Variants in DYSF observed in about 807,000 individuals in gnomAD.
DYSF encodes the protein dystrophy-associated fer-1-like 1.
Under a neutral mutation model 274.9 loss-of-function variants are expected in DYSF, and 212 were observed. The observed-to-expected ratio is 0.77, with a 90% confidence interval of 0.69 to 0.86. DYSF has a LOEUF of 0.86. Ranked by LOEUF, DYSF falls within the 40% of genes least tolerant of loss-of-function variation. The pLI is 0.00. For missense variants in DYSF, 2,666 were observed against 2,783.2 expected, an observed-to-expected ratio of 0.96 and a Z score of 0.95; for synonymous variants, 1,091 against 1,078.7, an observed-to-expected ratio of 1.01 and a Z score of -0.22.
At chr2:71,680,019 T>C (rs10187598) in intron 53 of DYSF, among the ~76,000 whole-genome samples, 133,272 of 152,210 alleles carry the variant, frequency 0.88, 58,469 homozygotes, top group Middle Eastern at 0.9. Flanking sequence ...ACCCGTATTA[T>C]GTACTGTGTT....
At chr2:71,607,830 T>C (rs1236352390) in intron 36 of DYSF, among the ~76,000 whole-genome samples, 2 of 152,142 alleles carry the variant, frequency 1.3e-5, no homozygotes, top group African/African-American at 4.8e-5. Flanking sequence ...AATCCAGTTT[T>C]GGACAAGTTC....
At chr2:71,563,157 C>G (rs552779402) in intron 23 of DYSF, among the ~76,000 whole-genome samples, 1 of 152,210 alleles carries the variant, frequency 6.6e-6, no homozygotes, top group Non-Finnish European at 1.5e-5. Context: ...GGGTGCCACA[C>G]TTTGAGAACC....
chr2:71,655,081 A>T (rs935374773), intron 42 of DYSF, among the ~76,000 whole-genome samples: 2 of 151,994 alleles, frequency 1.3e-5, no homozygotes, highest in Non-Finnish European at 2.9e-5. Flanking sequence ...ACAGAGTGAG[A>T]CTTCTCCCCT....
chr2:71,519,811 G>GTTTTTTTTTTTTTTTTTTT (rs70959241), intron 10 of DYSF, among the ~76,000 whole-genome samples: 9 of 102,288 alleles, frequency 8.8e-5, no homozygotes, highest in African/African-American at 1.2e-4. Flanking sequence ...CACCCGGCTA[G>GTTTTTTTTTTTTTTTTTTT]TTTTTTTTTT....
At chr2:71,626,826 T>C (rs868478274) in intron 41 of DYSF, among the ~76,000 whole-genome samples, 1 of 152,020 alleles carries the variant, frequency 6.6e-6, no homozygotes, top group African/African-American at 2.4e-5. Flanking sequence ...TTGGGAATAT[T>C]TTAAATTGCT....
At chr2:71,670,566 T>A (rs2095102028) in intron 51 of DYSF, among the ~76,000 whole-genome samples, 1 of 152,172 alleles carries the variant, frequency 6.6e-6, no homozygotes, top group Non-Finnish European at 1.5e-5. Flanking sequence ...CACCTCTCAC[T>A]ACAGGCCAAA....
At chr2:71,479,385 C>A (rs2082692515) in intron 1 of DYSF, among the ~76,000 whole-genome samples, 2 of 151,826 alleles carry the variant, frequency 1.3e-5, no homozygotes, top group South Asian at 4.2e-4. Flanking sequence ...AGTGGGGGAA[C>A]CCCTCACCCT....
chr2:71,593,260 G>A, intron 32 of DYSF, among the ~76,000 whole-genome samples: 1 of 150,408 alleles, frequency 6.6e-6, no homozygotes, highest in East Asian at 2.0e-4. Context: ...AGCCTCCCAA[G>A]TAGCTAGGAT....
Position 71,520,827 on chromosome 2 carries a change from C to T in DYSF, c.1072C>T (p.Pro358Ser). ...CAGGAAGTGGCTGCTGCTCTCAGACCCTGATGACTTCTCTGCTGGGGCCAG... is the reference window on the plus strand; with the variant it reads ...CAGGAAGTGGCTGCTGCTCTCAGACTCTGATGACTTCTCTGCTGGGGCCAG... ...YLRKWLLLSD[P>S]DDFSAGARGY... The change falls in exon 12 of 56, where the codon CCT (proline) becomes TCT (serine). Residue 358 changes from proline to serine, a missense_variant. By Grantham distance (74) the Pro-to-Ser change is moderately conservative. Transcript: ENST00000410020. The T allele has an allele frequency of 6.2e-7, 1 of 1,614,044 alleles. No individual in the cohort carries two copies. The highest frequency in any genetic ancestry group is 8.5e-7 in the Non-Finnish European group (1 of 1,180,014).
intron 3 of DYSF, among the ~76,000 whole-genome samples, chr2:71,486,930 C>T (rs2083414069): frequency 6.6e-6 from 1 of 152,136 alleles, no homozygotes; most frequent in Non-Finnish European, 1.5e-5. Flanking sequence ...TGTTTTGACC[C>T]GTGGGATGTT....
intron 1 of DYSF, among the ~76,000 whole-genome samples, chr2:71,476,589 G>GT (rs113967018): frequency 5.3e-4 from 80 of 151,634 alleles, no homozygotes; most frequent in African/African-American, 1.9e-3. Flanking sequence ...TTCTTGTTGT[G>GT]TTTTTTAGAT....
chr2:71,511,498 G>A (rs541589828), intron 4 of DYSF, among the ~76,000 whole-genome samples: 2 of 152,312 alleles, frequency 1.3e-5, no homozygotes, highest in South Asian at 2.1e-4. Context: ...TTTGACCTGT[G>A]AGGAAGGTGC....
At chr2:71,471,746 G>T (rs1465582077) in intron 1 of DYSF, among the ~76,000 whole-genome samples, 1 of 152,130 alleles carries the variant, frequency 6.6e-6, no homozygotes, top group Non-Finnish European at 1.5e-5. Context: ...GAGGTGGGCG[G>T]ATTGCTTGAG....
chr2:71,528,680 A>C (rs112641282), intron 14 of DYSF, among the ~76,000 whole-genome samples: 2 of 152,324 alleles, frequency 1.3e-5, no homozygotes, highest in African/African-American at 2.4e-5. Flanking sequence ...GTAGAGGAAC[A>C]TTTGGGGGAA....
In DYSF at chr2:71,644,007, AT is replaced by A; in HGVS notation, c.4571del (p.Ile1524LysfsTer18). ...TTGGTGGAGCAAATTCTTTGCCTCC[AT>A]AGGGGAGAGGGAAAAGTGCGGCTCC... is the stretch of plus-strand genomic sequence containing the variant. Reference protein sequence around the residue: ...IDWWSKFFASIGEREKCGSYL... With the variant: ...IDWWSKFFASXGEREKCGSYL... On this transcript the variant is annotated frameshift_variant, in exon 42 of 56. Transcript: ENST00000410020. LOFTEE classifies it high-confidence loss of function. 6.2e-7 allele frequency: 1 copy of A among 1,612,668 alleles called. No homozygotes were observed. Among genetic ancestry groups the A allele is most frequent in the Non-Finnish European group, 8.5e-7 (1 of 1,179,496 alleles).
chr2:71,635,575 C>T (rs2094386904), intron 41 of DYSF, among the ~76,000 whole-genome samples: 1 of 151,890 alleles, frequency 6.6e-6, no homozygotes, highest in South Asian at 2.1e-4. Context: ...TGGTGAAACC[C>T]CATCTCTACT....
intron 1 of DYSF, among the ~76,000 whole-genome samples, chr2:71,460,251 G>T (rs767554841): frequency 6.6e-6 from 1 of 152,150 alleles, no homozygotes; most frequent in Non-Finnish European, 1.5e-5. Flanking sequence ...GATGGCGCAC[G>T]CCTCTGTCTA....
At chr2:71,678,756 G>A in intron 52 of DYSF, among the ~76,000 whole-genome samples, 1 of 152,212 alleles carries the variant, frequency 6.6e-6, no homozygotes, top group East Asian at 1.9e-4. Context: ...GACGGTGTAT[G>A]AATGGATTTG....
chr2:71,572,664 G>A (rs889743529), intron 29 of DYSF, among the ~76,000 whole-genome samples: 4 of 152,254 alleles, frequency 2.6e-5, no homozygotes, highest in Non-Finnish European at 5.9e-5. Flanking sequence ...AGGCAGGGCT[G>A]GGCTTTGTAT....
Sources: gnomAD v4.1 joint callset for allele counts (sites outside exome capture counted in the v4.1 genomes callset) on GRCh38, gnomAD v4.1.1 for gene constraint, MANE v1.5 for transcripts, NCBI Gene and HGNC (gene_info 2026-07-23, HGNC 2026-07-21) for gene names.